IARS2: variants seen among roughly 807,000 people sequenced by gnomAD.
The protein encoded by IARS2 is isoleucine--tRNA ligase, mitochondrial.
IARS2 carries 56 observed loss-of-function variants against 126.3 expected under a neutral mutation model. The observed-to-expected ratio is 0.44, with a 90% CI of 0.36 to 0.55. IARS2 has a LOEUF of 0.55. Among genes scored for constraint, IARS2 ranks in the 20% least tolerant of loss-of-function variants. The pLI, the probability that IARS2 is intolerant of heterozygous loss-of-function variation, is 0.00. For synonymous variants in IARS2, 407 were observed against 441.1 expected (o/e 0.92, Z 0.97); for missense variants, 1,127 against 1,245.9 (o/e 0.90, Z 1.44).
chr1:220,132,986 T>C (rs1657299959), intron 14 of IARS2, among the ~76,000 whole-genome samples: 2 of 152,036 alleles, frequency 1.3e-5, no homozygotes, highest in African/African-American at 4.8e-5. Flanking sequence ...TATTTTCCCC[T>C]TGGTAACACC....
At chr1:220,116,494 T>C (rs1253603490) in intron 12 of IARS2, among the ~76,000 whole-genome samples, 2 of 152,106 alleles carry the variant, frequency 1.3e-5, no homozygotes, top group Non-Finnish European at 2.9e-5. Context: ...TTTTCTAAAT[T>C]ATGCTATTAA....
chr1:220,100,681 T>C (rs1656553037), intron 3 of IARS2, 32 bp downstream of exon 3: 2 of 1,545,198 alleles, frequency 1.3e-6, no homozygotes, highest in Non-Finnish European at 1.8e-6. Flanking sequence ...TTTAAAATGA[T>C]ATTTGTAAAC....
chr1:220,100,002 G>C (rs915550762), intron 2 of IARS2, among the ~76,000 whole-genome samples: 1 of 152,204 alleles, frequency 6.6e-6, no homozygotes, highest in Admixed American at 6.5e-5. Flanking sequence ...CTCTTGGGAA[G>C]AAGGAAATTG....
At chr1:220,134,533 A>AC in intron 15 of IARS2, 23 bp downstream of exon 15, 1 of 1,471,762 alleles carries the variant, frequency 6.8e-7, no homozygotes, top group Non-Finnish European at 9.5e-7. Flanking sequence ...GCCTGAACCA[A>AC]CCTGCTGAGT....
Position 220,094,494 on chromosome 1 carries a change from C to G in IARS2, c.267+11C>G. ...CTGGAGATCCAGCAGGTACGGGCCC[C>G]GCCTCGGCGCGGGGCCTCCAGAGAG... On this transcript the variant is annotated intron_variant, in intron 1 of 22. Transcript: ENST00000366922. The G allele has an allele frequency of 6.3e-7, 1 of 1,576,242 alleles. No homozygotes were observed. The highest frequency in any genetic ancestry group is 8.6e-7 in the Non-Finnish European group (1 of 1,163,594).
At chr1:220,110,458 C>T (rs1463320568) in intron 10 of IARS2, among the ~76,000 whole-genome samples, 1 of 151,990 alleles carries the variant, frequency 6.6e-6, no homozygotes, top group African/African-American at 2.4e-5. Context: ...CTCTGCCTCC[C>T]AGGTTCAAGC....
At chr1:220,123,077 T>G (rs998022964) in intron 12 of IARS2, among the ~76,000 whole-genome samples, 5 of 151,922 alleles carry the variant, frequency 3.3e-5, no homozygotes, top group African/African-American at 1.2e-4. Flanking sequence ...TCTTTTATGG[T>G]TGTAATCTTT....
chr1:220,104,291 G>C (rs535159232), intron 8 of IARS2, among the ~76,000 whole-genome samples: 1 of 152,184 alleles, frequency 6.6e-6, no homozygotes, highest in South Asian at 2.1e-4. Context: ...ATAATTCTTT[G>C]TGAGCTATAA....
intron 13 of IARS2, among the ~76,000 whole-genome samples, chr1:220,125,781 T>C (rs946717266): frequency 6.6e-6 from 1 of 150,802 alleles, no homozygotes. Context: ...GCAGCCTGGG[T>C]GACAGAGTGA....
intron 14 of IARS2, among the ~76,000 whole-genome samples, chr1:220,129,953 G>A (rs1657225983): frequency 6.6e-6 from 1 of 152,114 alleles, no homozygotes; most frequent in African/African-American, 2.4e-5. Context: ...TATAATGACT[G>A]TACTAATTTA....
chr1:220,133,944 GAA>G (rs796631656), intron 14 of IARS2, among the ~76,000 whole-genome samples: 1 of 139,312 alleles, frequency 7.2e-6, no homozygotes, highest in Non-Finnish European at 1.6e-5. Flanking sequence ...GTGGAAAGAG[GAA>G]AAAAAAAAAA....
chr1:220,112,475 A>C (rs115752807), intron 11 of IARS2, among the ~76,000 whole-genome samples: 5,556 of 143,846 alleles, frequency 0.039, 156 homozygotes, highest in South Asian at 0.094. Context: ...GATTATTTTA[A>C]AGCAAATTCC....
chr1:220,111,089 G>GTCCAAGGTCCTTCCA, intron 11 of IARS2, 152 bp downstream of exon 11: 2 of 715,858 alleles, frequency 2.8e-6, no homozygotes, highest in Non-Finnish European at 4.4e-6. Context: ...AGATCTGGAA[G>GTCCAAGGTCCTTCCA]GACCTTGGAC....
chr1:220,135,695 AAGACC>A (rs1657359614), intron 15 of IARS2, among the ~76,000 whole-genome samples: 1 of 145,286 alleles, frequency 6.9e-6, no homozygotes, highest in Non-Finnish European at 1.5e-5. Flanking sequence ...ATGCGTTTTA[AAGACC>A]AGTAAAAGGG....
chr1:220,105,987 CG>C lies in IARS2; in HGVS notation c.1166del (p.Gly389AspfsTer16). On this transcript the variant is annotated frameshift_variant, in exon 9 of 23. Transcript: ENST00000366922. LOFTEE classifies it high-confidence loss of function. ...PANHVTMAKG[T>X]GLVHTAPAHG... is the part of the protein sequence containing the mutation. ...AATCATGTGACCATGGCAAAAGGAA[CG>C]GGATTGGTTCACACAGCCCCAGCTC... 6.2e-7 allele frequency: 1 copy of C among 1,614,030 alleles called. No individual in the cohort carries two copies. Among genetic ancestry groups the C allele is most frequent in the Non-Finnish European group, 8.5e-7 (1 of 1,179,932 alleles).
intron 12 of IARS2, among the ~76,000 whole-genome samples, chr1:220,122,341 TCTC>T (rs1185644905): frequency 6.6e-6 from 1 of 152,180 alleles, no homozygotes; most frequent in Admixed American, 6.5e-5. Flanking sequence ...AACACACTAA[TCTC>T]CTGAGACTGC....
At chr1:220,103,682 T>C in intron 8 of IARS2, 120 bp downstream of exon 8, 1 of 593,450 alleles carries the variant, frequency 1.7e-6, no homozygotes, top group Non-Finnish European at 3.0e-6. Flanking sequence ...CTTTCTAGAA[T>C]ACATTTTACA....
At chr1:220,145,930 G>A (rs1032689953) in intron 22 of IARS2, among the ~76,000 whole-genome samples, 1 of 152,088 alleles carries the variant, frequency 6.6e-6, no homozygotes, top group African/African-American at 2.4e-5. Flanking sequence ...TGAAGTTTAT[G>A]TTAGGCTGAC....
At chr1:220,138,975 T>C (rs1272050015) in intron 17 of IARS2, 33 bp from the exon 18 acceptor site, 2 of 1,589,858 alleles carry the variant, frequency 1.3e-6, no homozygotes, top group Non-Finnish European at 1.7e-6. Flanking sequence ...CATTAGATTT[T>C]TTTAACTGCA....
Sources: allele counts gnomAD v4.1 joint callset (sites outside exome capture counted in the v4.1 genomes callset), GRCh38; gene constraint gnomAD v4.1.1; transcripts MANE v1.5; gene names NCBI Gene and HGNC (gene_info 2026-07-23, HGNC 2026-07-21).